Variants in TENT5D observed in about 807,000 individuals in gnomAD.
TENT5D encodes the protein cancer/testis antigen 112.
For synonymous variants in TENT5D, 103 were observed against 100.6 expected (o/e 1.02, Z -0.15); for missense variants, 191 against 287.0 (o/e 0.67, Z 2.42).
intron 3 of TENT5D, among the ~76,000 whole-genome samples, chrX:80,413,932 A>G (rs983718789): frequency 8.9e-6 from 1 of 112,624 alleles, no homozygotes; most frequent in African/African-American, 3.2e-5. Context: ...TGCACAATTT[A>G]TGTGATTACT....
chrX:80,371,014 C>T (rs1930615187), intron 3 of TENT5D, among the ~76,000 whole-genome samples: 1 of 111,880 alleles, frequency 8.9e-6, no homozygotes, highest in Non-Finnish European at 1.9e-5. Context: ...AGTTATTCAG[C>T]AGTGATAAGG....
intron 3 of TENT5D, among the ~76,000 whole-genome samples, chrX:80,353,496 A>G (rs1390648751): frequency 9.0e-6 from 1 of 110,742 alleles, no homozygotes; most frequent in Non-Finnish European, 1.9e-5. Context: ...TGTGTACTCA[A>G]TGTTTAGCTC....
chrX:80,364,277 T>TAC (rs930513250), intron 3 of TENT5D, among the ~76,000 whole-genome samples: 7 of 111,167 alleles, frequency 6.3e-5, no homozygotes, highest in South Asian at 3.8e-4. Flanking sequence ...TATACACCCA[T>TAC]ACACACACAC....
chrX:80,365,379 G>A (rs983264347), intron 3 of TENT5D, among the ~76,000 whole-genome samples: 1 of 111,507 alleles, frequency 9.0e-6, no homozygotes, highest in Non-Finnish European at 1.9e-5. Context: ...CTGATACAGA[G>A]TAAGTATTCT....
intron 3 of TENT5D, among the ~76,000 whole-genome samples, chrX:80,409,355 G>C (rs762209777): frequency 0.014 from 1,527 of 110,598 alleles, 36 homozygotes; most frequent in African/African-American, 0.048. Context: ...AAACCCCATT[G>C]TCTCAGCCCA....
chrX:80,429,027 C>T (rs1249035627), intron 1 of TENT5D, among the ~76,000 whole-genome samples: 1 of 111,264 alleles, frequency 9.0e-6, no homozygotes, highest in African/African-American at 3.3e-5. Flanking sequence ...CAGAATTACC[C>T]AGGGCCCCTG....
chrX:80,444,731 C>T (rs1323617631), exon 3 of TENT5D: 2 of 122,909 alleles, frequency 1.6e-5, no homozygotes, highest in Non-Finnish European at 3.8e-5. Context: ...TAACATGCCA[C>T]TCAAGTGCCT....
chrX:80,412,359 C>A (rs187065975), intron 3 of TENT5D, among the ~76,000 whole-genome samples: 26 of 112,537 alleles, frequency 2.3e-4, no homozygotes, highest in African/African-American at 7.7e-4. Flanking sequence ...GAGACATTTT[C>A]CCTGTAGTCT....
intron 3 of TENT5D, among the ~76,000 whole-genome samples, chrX:80,353,151 T>G (rs972792096): frequency 1.8e-5 from 2 of 112,670 alleles, no homozygotes; most frequent in Non-Finnish European, 3.8e-5. Context: ...TGTTTACTTT[T>G]TAATTGGTTT....
intron 3 of TENT5D, among the ~76,000 whole-genome samples, chrX:80,411,449 T>C (rs1229064854): frequency 8.9e-6 from 1 of 111,919 alleles, no homozygotes; most frequent in Non-Finnish European, 1.9e-5. Flanking sequence ...CTAGTTGTTT[T>C]ATTTTAGGAC....
chrX:80,396,356 G>C (rs1931242121), intron 3 of TENT5D, among the ~76,000 whole-genome samples: 1 of 110,377 alleles, frequency 9.1e-6, no homozygotes, highest in Admixed American at 9.6e-5. Context: ...CAATAGTGGA[G>C]GGAAGGTCAG....
chrX:80,377,697 C>T (rs771615187), intron 3 of TENT5D, among the ~76,000 whole-genome samples: 4 of 111,947 alleles, frequency 3.6e-5, no homozygotes, highest in African/African-American at 6.5e-5. Flanking sequence ...AATAAACATA[C>T]GTGTGCATGT....
At chrX:80,347,847 G>A (rs1479303931) in intron 3 of TENT5D, among the ~76,000 whole-genome samples, 1 of 112,106 alleles carries the variant, frequency 8.9e-6, no homozygotes, top group African/African-American at 3.2e-5. Flanking sequence ...GTTAATATTT[G>A]TGTAGTGTGT....
intron 1 of TENT5D, among the ~76,000 whole-genome samples, chrX:80,429,130 C>T (rs184525268): frequency 1.8e-3 from 204 of 111,432 alleles, no homozygotes; most frequent in African/African-American, 6.5e-3. Flanking sequence ...GGCCCTGGAC[C>T]TGGTGACTTG....
At chrX:80,418,260 C>A (rs769366934), upstream of TENT5D, among the ~76,000 whole-genome samples, 1 of 110,150 alleles carries the variant, frequency 9.1e-6, no homozygotes, top group South Asian at 3.9e-4. Context: ...AGTGATAATC[C>A]TACCTCAGCC....
intron 3 of TENT5D, among the ~76,000 whole-genome samples, chrX:80,396,915 C>T (rs1459985348): frequency 1.1e-5 from 1 of 87,549 alleles, no homozygotes; most frequent in Non-Finnish European, 2.3e-5. Flanking sequence ...GACCCCCCCA[C>T]CTCCCTCCCA....
At chrX:80,442,062 T>A (rs1420671105) in intron 2 of TENT5D, among the ~76,000 whole-genome samples, 1 of 111,041 alleles carries the variant, frequency 9.0e-6, no homozygotes, top group African/African-American at 3.3e-5. Flanking sequence ...GGATTAAAGA[T>A]TATATATATT....
intron 3 of TENT5D, among the ~76,000 whole-genome samples, chrX:80,375,991 T>C (rs1930717955): frequency 9.0e-6 from 1 of 111,613 alleles, no homozygotes; most frequent in Non-Finnish European, 1.9e-5. Flanking sequence ...AATATATTTT[T>C]ATGTGTCTAG....
At chrX:80,432,051 C>T (rs1423013362) in intron 1 of TENT5D, among the ~76,000 whole-genome samples, 2 of 110,848 alleles carry the variant, frequency 1.8e-5, no homozygotes, top group African/African-American at 3.3e-5. Context: ...GACAATAATT[C>T]GTTGAATTAC....
Sources: gnomAD v4.1 joint callset for allele counts (sites outside exome capture counted in the v4.1 genomes callset) on GRCh38, gnomAD v4.1.1 for gene constraint, MANE v1.5 for transcripts, NCBI Gene and HGNC (gene_info 2026-07-23, HGNC 2026-07-21) for gene names.